Variants in NDC80 observed in about 807,000 individuals in gnomAD.
The protein encoded by NDC80 is NDC80 kinetochore complex component.
In NDC80, 69 loss-of-function variants were observed where a neutral mutation model predicts 89.3. The observed-to-expected ratio is 0.77, with a 90% CI of 0.64 to 0.94. The LOEUF (loss-of-function observed/expected upper bound fraction) is 0.94. NDC80 is among the 40% of genes least tolerant of loss of function. NDC80 has a pLI of 0.00. For missense variants in NDC80, 593 were observed against 739.6 expected (o/e 0.80, Z 2.30); for synonymous variants, 243 against 255.6 (o/e 0.95, Z 0.47).
chr18:2,591,321 G>A (rs2072626462), intron 10 of NDC80, among the ~76,000 whole-genome samples: 1 of 152,258 alleles, frequency 6.6e-6, no homozygotes, highest in Admixed American at 6.5e-5. Context: ...CTGAAGGAGA[G>A]TAAAGAAAGG....
At chr18:2,578,818 A>C (rs2072561568) in intron 5 of NDC80, 109 bp from the exon 6 acceptor site, 1 of 527,326 alleles carries the variant, frequency 1.9e-6, no homozygotes, top group African/African-American at 2.0e-5. Context: ...AAACAAGTCA[A>C]GACTGAGTGT....
chr18:2,589,989 AAC>A, intron 9 of NDC80, 27 bp from the exon 10 acceptor site: 1 of 1,436,656 alleles, frequency 7.0e-7, no homozygotes, highest in Non-Finnish European at 9.3e-7. Context: ...TATTAAGAAT[AAC>A]TAAAGTTATA....
At chr18:2,605,257 TCGGG>T (rs35317170) in intron 13 of NDC80, among the ~76,000 whole-genome samples, 121,399 of 148,310 alleles carry the variant, frequency 0.82, 49,941 homozygotes, top group East Asian at 0.96. Flanking sequence ...GCAATTGGAG[TCGGG>T]CGGGCTATAT....
At position 2,580,637 on chromosome 18, in the gene NDC80, T is replaced by C. The variant is rs577706188; in HGVS notation, c.579+1608T>C. Among the ~76,000 whole-genome samples the C allele has an allele frequency of 7.2e-5, 11 of 151,888 alleles. No individual in the cohort carries two copies. The South Asian group carries it at 1.0e-3, about 14-fold the overall frequency. ...CCCATTAATAAAAATCCAAGTTTCATTGGACTTTATATATAACATTTATGC... is the reference window on the plus strand; with the variant it reads ...CCCATTAATAAAAATCCAAGTTTCACTGGACTTTATATATAACATTTATGC... On this transcript the variant is annotated intron_variant, in intron 6 of 16. Transcript: ENST00000261597.
intron 6 of NDC80, among the ~76,000 whole-genome samples, chr18:2,580,944 C>T (rs962448404): frequency 3.3e-5 from 5 of 151,394 alleles, no homozygotes; most frequent in African/African-American, 7.3e-5. Flanking sequence ...GTTTCACCAT[C>T]TTGGCCAGGC....
At chr18:2,592,240 CTG>C (rs1202652638) in intron 10 of NDC80, among the ~76,000 whole-genome samples, 2 of 152,036 alleles carry the variant, frequency 1.3e-5, no homozygotes, top group East Asian at 3.8e-4. Context: ...AATTTTATAA[CTG>C]TTAATCTAAG....
At position 2,574,995 on chromosome 18, in the gene NDC80, G is replaced by A; in HGVS notation, c.108G>A (p.Glu36=). ...TTTTCTATTTTTCTTAAAGCAAAGA[G>A]AAACCAACCTTTGGAAAGTTGAGTA... ...KQGLYTPQTK[E]KPTFGKLSIN... Residue 36 remains glutamate, a synonymous_variant, in exon 3 of 17, where the codon GAG becomes GAA. Transcript: ENST00000261597. 1 of 1,602,932 alleles carries A rather than the reference G, an allele frequency of 6.2e-7. No individual in the cohort carries two copies. Among genetic ancestry groups the A allele is most frequent in the Non-Finnish European group, 8.5e-7 (1 of 1,174,652 alleles).
At chr18:2,578,638 T>TG (rs925644901) in intron 5 of NDC80, among the ~76,000 whole-genome samples, 1 of 152,148 alleles carries the variant, frequency 6.6e-6, no homozygotes. Flanking sequence ...TGTCATTTAT[T>TG]GGGGGTATAT....
intron 6 of NDC80, among the ~76,000 whole-genome samples, chr18:2,583,962 C>T (rs764918739): frequency 6.6e-6 from 1 of 152,068 alleles, no homozygotes; most frequent in African/African-American, 2.4e-5. Context: ...TATTCTTATA[C>T]TTAGTGTTCA....
At chr18:2,597,047 G>A (rs1018675507) in intron 11 of NDC80, among the ~76,000 whole-genome samples, 1 of 151,962 alleles carries the variant, frequency 6.6e-6, no homozygotes, top group Non-Finnish European at 1.5e-5. Context: ...AGAGGGGAGG[G>A]ATAGCATTAG....
intron 12 of NDC80, among the ~76,000 whole-genome samples, chr18:2,600,840 G>T (rs1263705225): frequency 6.6e-6 from 1 of 152,084 alleles, no homozygotes; most frequent in African/African-American, 2.4e-5. Flanking sequence ...ATTTTATGTT[G>T]TATGTTTAAT....
chr18:2,581,520 G>A (rs539722101), intron 6 of NDC80, among the ~76,000 whole-genome samples: 15 of 152,260 alleles, frequency 9.9e-5, no homozygotes, highest in South Asian at 2.1e-4. Context: ...AATATTAGCC[G>A]GGTGTGATGG....
At position 2,610,783 on chromosome 18, in the gene NDC80, G is replaced by A. The variant is rs138857521; in HGVS notation, c.1713G>A (p.Thr571=). The A allele has an allele frequency of 1.6e-4, 249 of 1,590,768 alleles. No individual in the cohort carries two copies. The African/African-American group carries it at 2.3e-3, about 15-fold the overall frequency. The change falls in exon 16 of 17, where the codon ACG becomes ACA. Residue 571 remains threonine, a synonymous_variant. Transcript: ENST00000261597. The part of the protein sequence containing the change: ...QREYQLVVQT[T]TEERRKVGNN... ...GATACCAACTAGTTGTGCAAACCAC[G>A]ACTGAAGAAAGACGAAAAGTGGGAA...
intron 3 of NDC80, among the ~76,000 whole-genome samples, chr18:2,575,837 A>G (rs1264212399): frequency 2.6e-5 from 4 of 152,212 alleles, no homozygotes; most frequent in Non-Finnish European, 4.4e-5. Context: ...AATCAGGAGG[A>G]TCAGTTGAAC....
At chr18:2,612,062 T>A (rs1283644546) in intron 16 of NDC80, among the ~76,000 whole-genome samples, 1 of 152,120 alleles carries the variant, frequency 6.6e-6, no homozygotes, top group African/African-American at 2.4e-5. Context: ...GAGTGATATG[T>A]TCTCATTTTC....
intron 10 of NDC80, among the ~76,000 whole-genome samples, chr18:2,595,127 T>C (rs1233304126): frequency 6.6e-6 from 1 of 151,734 alleles, no homozygotes; most frequent in Non-Finnish European, 1.5e-5. Flanking sequence ...CATAAAACTT[T>C]AATTGTCCTA....
At chr18:2,589,573 A>G (rs2072617334) in intron 9 of NDC80, among the ~76,000 whole-genome samples, 1 of 152,220 alleles carries the variant, frequency 6.6e-6, no homozygotes, top group African/African-American at 2.4e-5. Context: ...GATCAAAAGT[A>G]CTTTTGAACA....
chr18:2,585,640 A>G (rs772938638), intron 7 of NDC80, among the ~76,000 whole-genome samples: 3 of 152,108 alleles, frequency 2.0e-5, no homozygotes, highest in Non-Finnish European at 4.4e-5. Context: ...TCTTCTGTAG[A>G]GTTGTTTTTT....
At chr18:2,597,034 G>A (rs1350207212) in intron 11 of NDC80, among the ~76,000 whole-genome samples, 1 of 152,064 alleles carries the variant, frequency 6.6e-6, no homozygotes, top group Non-Finnish European at 1.5e-5. Context: ...TGTGGGGTGG[G>A]GGAGAGGGGA....
Sources: gnomAD v4.1 joint callset for allele counts (sites outside exome capture counted in the v4.1 genomes callset) on GRCh38, gnomAD v4.1.1 for gene constraint, MANE v1.5 for transcripts, NCBI Gene and HGNC (gene_info 2026-07-23, HGNC 2026-07-21) for gene names.